Variants in ARHGEF7 observed in about 807,000 individuals in gnomAD.
ARHGEF7 encodes Rho guanine nucleotide exchange factor 7, also known as PAK-interacting exchange factor beta.
In ARHGEF7, 33 loss-of-function variants were observed where a neutral mutation model predicts 109.8. The ratio of observed to expected loss-of-function variants is 0.30; its 90% CI spans 0.23 to 0.40. The LOEUF (loss-of-function observed/expected upper bound fraction) is 0.40. Among genes scored for constraint, ARHGEF7 ranks in the 10% least tolerant of loss-of-function variants. ARHGEF7 has a pLI of 1.00. For synonymous variants in ARHGEF7, 458 were observed against 424.6 expected (o/e 1.08, Z -0.97); for missense variants, 938 against 1,098.5 (o/e 0.85, Z 2.07).
chr13:111,177,054 GCTGA>G (rs1203078283), intron 2 of ARHGEF7, among the ~76,000 whole-genome samples: 3 of 152,240 alleles, frequency 2.0e-5, no homozygotes, highest in Admixed American at 6.5e-5. Flanking sequence ...ACCGCGCCCG[GCTGA>G]CTGACTTATT....
chr13:111,174,477 C>G (rs774628976), intron 2 of ARHGEF7, among the ~76,000 whole-genome samples: 1 of 152,198 alleles, frequency 6.6e-6, no homozygotes, highest in Non-Finnish European at 1.5e-5. Flanking sequence ...CCTTGTCTGT[C>G]TCCCTTTCTT....
chr13:111,198,392 G>A (rs983572409), intron 2 of ARHGEF7, among the ~76,000 whole-genome samples: 2 of 152,146 alleles, frequency 1.3e-5, no homozygotes, highest in Non-Finnish European at 1.5e-5. Flanking sequence ...GAATGAAGCC[G>A]TGGACACTCG....
At chr13:111,190,166 C>A (rs138585941) in intron 2 of ARHGEF7, among the ~76,000 whole-genome samples, 1 of 152,268 alleles carries the variant, frequency 6.6e-6, no homozygotes, top group East Asian at 1.9e-4. Context: ...CCATCTGTAG[C>A]TTGATAGCCT....
Position 111,294,529 on chromosome 13 carries a change from T to C in ARHGEF7, c.2311+2235T>C, listed in dbSNP as rs192626177. ...CCAGTTAAAGGCATTTTGATGATGC[T>C]TTTTCTTGATGCTAAGATCACTGCA... On this transcript the variant is annotated intron_variant, in intron 19 of 21. Transcript: ENST00000646102. The C allele has an allele frequency of 1.5e-4, 152 of 985,480 alleles. No individual in the cohort carries two copies. In the African/African-American group the frequency reaches 2.6e-3, roughly 17 times the overall value. The allele number at this position is 985,480 out of a possible 1,614,324, so 61.0% of individuals were successfully genotyped here. A position where few individuals can be genotyped will look rare whatever the true frequency, so the allele number is the denominator to read the frequency against.
intron 2 of ARHGEF7, among the ~76,000 whole-genome samples, chr13:111,200,184 C>T (rs1193522751): frequency 6.6e-6 from 1 of 152,062 alleles, no homozygotes; most frequent in African/African-American, 2.4e-5. Context: ...TGGGCTGCGG[C>T]CTCTCTGGGG....
At chr13:111,155,846 C>T (rs1380540023) in intron 2 of ARHGEF7, among the ~76,000 whole-genome samples, 2 of 152,040 alleles carry the variant, frequency 1.3e-5, no homozygotes, top group African/African-American at 2.4e-5. Context: ...GAGGCCGAGG[C>T]GGGTGGATCA....
rs773161913 is a variant in ARHGEF7 at position 111,244,249 on chromosome 13, G to C, written c.905G>C (p.Cys302Ser). The change falls in exon 8 of 22, where the codon TGT (cysteine) becomes TCT (serine). Residue 302 changes from cysteine to serine, a missense_variant. Cys to Ser is a moderately radical substitution (Grantham distance 112). Transcript: ENST00000646102. ...SYLMGNLEEI[C>S]SFQQMLVQSL... ...TTAATGGGAAATCTAGAAGAAATATGTTCTTTCCAGCAAATGCTCGTACAG... is the reference window on the plus strand; with the variant it reads ...TTAATGGGAAATCTAGAAGAAATATCTTCTTTCCAGCAAATGCTCGTACAG... 2 of 1,609,890 alleles carry C rather than the reference G, an allele frequency of 1.2e-6. No individual in the cohort carries two copies. The highest frequency in any genetic ancestry group is 1.1e-5 in the South Asian group (1 of 89,680).
At chr13:111,204,632 A>G (rs1299454450) in intron 2 of ARHGEF7, among the ~76,000 whole-genome samples, 1 of 151,946 alleles carries the variant, frequency 6.6e-6, no homozygotes, top group Non-Finnish European at 1.5e-5. Context: ...TGCCAGTGGC[A>G]ATGTGACCAG....
Position 111,301,617 on chromosome 13 carries a change from G to T in ARHGEF7, c.2466+85G>T, listed in dbSNP as rs549055024. On this transcript the variant is annotated intron_variant, in intron 21 of 21. Coordinates refer to ENST00000646102, the MANE Select transcript of ARHGEF7 (RefSeq NM_001354046.2). Reference sequence around the variant, plus strand: ...ATTACATTAAAAATAAGCTGGCTGGGTACGGTGGCTCACACCTATAATCCC... The same window carrying T: ...ATTACATTAAAAATAAGCTGGCTGGTTACGGTGGCTCACACCTATAATCCC... 6.0e-6 allele frequency: 7 copies of T among 1,166,544 alleles called. No individual in the cohort carries two copies. In the African/African-American group the frequency reaches 6.1e-5, roughly 10 times the overall value. The allele number at this position is 1,166,544 out of a possible 1,614,324, so 72.3% of individuals were successfully genotyped here. A position where few individuals can be genotyped will look rare whatever the true frequency, so the allele number is the denominator to read the frequency against.
intron 21 of ARHGEF7, among the ~76,000 whole-genome samples, chr13:111,302,551 G>A (rs530071630): frequency 2.1e-4 from 32 of 152,262 alleles, no homozygotes; most frequent in African/African-American, 6.3e-4. Flanking sequence ...TGCCTCCTAC[G>A]TCCGAGACAT....
intron 2 of ARHGEF7, among the ~76,000 whole-genome samples, chr13:111,158,494 C>T (rs1327057764): frequency 6.6e-6 from 1 of 152,194 alleles, no homozygotes; most frequent in Non-Finnish European, 1.5e-5. Context: ...GCAACTAATA[C>T]TAAAATTATC....
At chr13:111,296,842 ATGTGTTGTGG>A (rs2153632183) in intron 19 of ARHGEF7, among the ~76,000 whole-genome samples, 1 of 152,284 alleles carries the variant, frequency 6.6e-6, no homozygotes, top group African/African-American at 2.4e-5. Context: ...TCCCGAAACG[ATGTGTTGTGG>A]AACCCCTCTC....
At chr13:111,277,955 G>A (rs1261703478) in intron 13 of ARHGEF7, among the ~76,000 whole-genome samples, 3 of 152,188 alleles carry the variant, frequency 2.0e-5, no homozygotes, top group Non-Finnish European at 4.4e-5. Context: ...GCCTTCTGTC[G>A]TTTCATGCAA....
chr13:111,180,764 GATT>G (rs769935063), intron 2 of ARHGEF7, among the ~76,000 whole-genome samples: 15 of 152,224 alleles, frequency 9.9e-5, no homozygotes, highest in South Asian at 2.1e-4. Flanking sequence ...GTTGGTGGAA[GATT>G]ATAGACACCT....
At chr13:111,185,790 A>G (rs1441397725) in intron 2 of ARHGEF7, among the ~76,000 whole-genome samples, 7 of 150,844 alleles carry the variant, frequency 4.6e-5, no homozygotes, top group Non-Finnish European at 1.0e-4. Context: ...GTCTGAGACC[A>G]CCCCTCCTCC....
At chr13:111,127,481 C>T (rs995905568) in intron 1 of ARHGEF7, among the ~76,000 whole-genome samples, 1 of 151,574 alleles carries the variant, frequency 6.6e-6, no homozygotes, top group Admixed American at 6.6e-5. Flanking sequence ...GAGACCCTCC[C>T]CCCATCACTA....
chr13:111,185,712 C>T (rs1378884764), intron 2 of ARHGEF7, among the ~76,000 whole-genome samples: 2 of 152,216 alleles, frequency 1.3e-5, no homozygotes, highest in Non-Finnish European at 2.9e-5. Context: ...TCCTAGCAGT[C>T]GAAGACAGAA....
Position 111,292,089 on chromosome 13 carries a change from G to A in ARHGEF7, c.2135-29G>A, listed in dbSNP as rs747408928. ...TTCTCCTCCTCACCCCCTGCCTGTCGCGCCTGTCCCTCCGCCCGCCCGTCT... is the reference window on the plus strand; with the variant it reads ...TTCTCCTCCTCACCCCCTGCCTGTCACGCCTGTCCCTCCGCCCGCCCGTCT... On this transcript the variant is annotated intron_variant, in intron 18 of 21. Coordinates refer to ENST00000646102, the MANE Select transcript of ARHGEF7 (RefSeq NM_001354046.2). 133 of 1,600,550 alleles carry A rather than the reference G, an allele frequency of 8.3e-5. 1 individual carries two copies. The South Asian group carries it at 1.3e-3, about 15-fold the overall frequency.
intron 9 of ARHGEF7, among the ~76,000 whole-genome samples, chr13:111,271,093 C>T (rs1006714131): frequency 2.6e-5 from 4 of 152,140 alleles, no homozygotes; most frequent in East Asian, 3.9e-4. Flanking sequence ...TCATGCAGGC[C>T]GTCGTCTGTA....
Sources: allele counts gnomAD v4.1 joint callset (sites outside exome capture counted in the v4.1 genomes callset), GRCh38; gene constraint gnomAD v4.1.1; transcripts MANE v1.5; gene names NCBI Gene and HGNC (gene_info 2026-07-23, HGNC 2026-07-21).